Variants in RIC3 observed in about 807,000 individuals in gnomAD.
RIC3 encodes protein RIC-3.
A neutral mutation model predicts 27.3 loss-of-function variants in RIC3; 28 were observed. That is an observed-to-expected ratio of 1.02 (90% CI 0.76 to 1.41). The LOEUF (loss-of-function observed/expected upper bound fraction) is 1.41, where lower values mean the gene tolerates loss of function less well. RIC3 is among the 40% of genes most tolerant of loss of function. The pLI is 0.00. For missense variants in RIC3, 501 were observed against 444.7 expected (o/e 1.13, Z -1.14); for synonymous variants, 184 against 160.4 (o/e 1.15, Z -1.11).
At chr11:8,117,926 C>T (rs991454531) in intron 5 of RIC3, among the ~76,000 whole-genome samples, 4 of 151,920 alleles carry the variant, frequency 2.6e-5, no homozygotes, top group African/African-American at 9.7e-5. Flanking sequence ...ACTGGTTACT[C>T]AAAAACATCA....
the RIC3 span, chr11:8,097,449 T>C: frequency 2.1e-5 from 34 of 1,613,990 alleles, no homozygotes; most frequent in Middle Eastern, 1.6e-4. Flanking sequence ...GGGCATGTTA[T>C]CATCTAGGCT....
the RIC3 span, among the ~76,000 whole-genome samples, chr11:8,099,578 A>G: frequency 1.3e-5 from 2 of 152,230 alleles, no homozygotes; most frequent in African/African-American, 2.4e-5. Flanking sequence ...GGCACTAAGG[A>G]TATAGTAATG....
chr11:8,154,641 C>T (rs1950514512), intron 1 of RIC3, among the ~76,000 whole-genome samples: 1 of 152,008 alleles, frequency 6.6e-6, no homozygotes, highest in African/African-American at 2.4e-5. Context: ...ATTGTATGAC[C>T]ATATTATAAT....
At chr11:8,138,243 C>T in intron 3 of RIC3, 29 bp downstream of exon 3, 1 of 1,491,234 alleles carries the variant, frequency 6.7e-7, no homozygotes, top group Non-Finnish European at 9.4e-7. Context: ...TCAATAATAC[C>T]TGTGAATATA....
intron 4 of RIC3, among the ~76,000 whole-genome samples, chr11:8,129,621 A>C (rs1947445627): frequency 6.6e-6 from 1 of 152,168 alleles, no homozygotes; most frequent in African/African-American, 2.4e-5. Context: ...GTTGGGAAAC[A>C]CCCTCACCAG....
At chr11:8,103,390 A>G (rs1277035967), downstream of RIC3, 1 of 152,188 alleles carries the variant, frequency 6.6e-6, no homozygotes, top group African/African-American at 2.4e-5. Context: ...CTAAGTAGAA[A>G]TTTTTTAAAA....
the RIC3 span, chr11:8,097,224 A>C: frequency 4.0e-5 from 64 of 1,613,774 alleles, no homozygotes; most frequent in Non-Finnish European, 5.3e-5. Context: ...CTGCATCCCC[A>C]TAGGAGGCAG....
chr11:8,157,808 G>A (rs544577592), intron 1 of RIC3, among the ~76,000 whole-genome samples: 14 of 152,274 alleles, frequency 9.2e-5, no homozygotes, highest in African/African-American at 2.9e-4. Flanking sequence ...CAATTAGGAT[G>A]ACTGATCAAG....
At chr11:8,134,389 C>T (rs1368445832) in intron 4 of RIC3, among the ~76,000 whole-genome samples, 1 of 152,188 alleles carries the variant, frequency 6.6e-6, no homozygotes, top group Non-Finnish European at 1.5e-5. Flanking sequence ...TTAATCCAGT[C>T]TATCATTGAT....
intron 5 of RIC3, among the ~76,000 whole-genome samples, chr11:8,123,516 A>G (rs1400168713): frequency 6.6e-6 from 1 of 152,214 alleles, no homozygotes; most frequent in Non-Finnish European, 1.5e-5. Flanking sequence ...GAAACAAATT[A>G]CCAGGATCAA....
the RIC3 span, chr11:8,100,748 T>C: frequency 2.5e-6 from 4 of 1,582,978 alleles, no homozygotes; most frequent in South Asian, 3.4e-5. Context: ...AGGACCCCCA[T>C]TCCCGGGATA....
In RIC3 at chr11:8,148,192, T is replaced by C. The variant is rs563846149; in HGVS notation, c.125-7999A>G. ...CTCTCAGTATTGACTTTAAATGATATGGAAAATTTTGAAAAGAAATGCTTC... is the reference window on the plus strand; with the variant it reads ...CTCTCAGTATTGACTTTAAATGATACGGAAAATTTTGAAAAGAAATGCTTC... On this transcript the variant is annotated intron_variant, in intron 1 of 5. Coordinates refer to ENST00000309737, the MANE Select transcript of RIC3 (RefSeq NM_001206671.4). Among the ~76,000 whole-genome samples, 279 of 152,284 alleles carry C rather than the reference T, an allele frequency of 1.8e-3. 1 individual carries two copies. The highest frequency in any genetic ancestry group is 3.3e-3 in the Non-Finnish European group (226 of 68,030).
At chr11:8,146,742 G>A (rs1268630588) in intron 1 of RIC3, among the ~76,000 whole-genome samples, 1 of 152,120 alleles carries the variant, frequency 6.6e-6, no homozygotes, top group African/African-American at 2.4e-5. Context: ...GGGTGGCAGG[G>A]GGCGGGGTGC....
At chr11:8,140,515 G>T (rs1590241884) in intron 1 of RIC3, among the ~76,000 whole-genome samples, 1 of 152,264 alleles carries the variant, frequency 6.6e-6, no homozygotes, top group East Asian at 1.9e-4. Flanking sequence ...TCAAGGCCTG[G>T]TCTATAAAAT....
chr11:8,111,424 C>T (rs1590058553), intron 5 of RIC3, among the ~76,000 whole-genome samples: 1 of 152,054 alleles, frequency 6.6e-6, no homozygotes, highest in Admixed American at 6.6e-5. Flanking sequence ...TTTTGCAGTA[C>T]TGATGAAGAT....
At chr11:8,101,323 C>G (rs1944291775), downstream of RIC3, among the ~76,000 whole-genome samples, 1 of 152,220 alleles carries the variant, frequency 6.6e-6, no homozygotes, top group Non-Finnish European at 1.5e-5. Flanking sequence ...TTTCCTGCCA[C>G]TTCTCCCAAT....
rs151325483 is a variant in RIC3 at position 8,132,363 on chromosome 11, T to G, written c.521+5015A>C. On this transcript the variant is annotated intron_variant, in intron 4 of 5. Transcript: ENST00000309737. ...ATTTTTCTAAAGCACAGCAAATCGTTACATTCCTCCTCAAAAGCCTTCAGA... is the reference window on the plus strand; with the variant it reads ...ATTTTTCTAAAGCACAGCAAATCGTGACATTCCTCCTCAAAAGCCTTCAGA... 6.5e-3 allele frequency among the ~76,000 whole-genome samples: 983 copies of G among 152,320 alleles called. 22 individuals carry two copies. The highest frequency in any genetic ancestry group is 0.051 in the Admixed American group (782 of 15,278).
chr11:8,149,965 A>T (rs1369159424), intron 1 of RIC3, among the ~76,000 whole-genome samples: 1 of 152,144 alleles, frequency 6.6e-6, no homozygotes, highest in Admixed American at 6.5e-5. Context: ...AAGGGCTTTC[A>T]TGTCTTCTGC....
At chr11:8,148,959 T>C (rs1032361658) in intron 1 of RIC3, among the ~76,000 whole-genome samples, 2 of 147,040 alleles carry the variant, frequency 1.4e-5, no homozygotes, top group Admixed American at 7.0e-5. Context: ...GGCGGGCAGA[T>C]CACGAGGTCA....
Sources: gnomAD v4.1 joint callset for allele counts (sites outside exome capture counted in the v4.1 genomes callset) on GRCh38, gnomAD v4.1.1 for gene constraint, MANE v1.5 for transcripts, NCBI Gene and HGNC (gene_info 2026-07-23, HGNC 2026-07-21) for gene names.